Variants in FARP2 observed in about 807,000 individuals in gnomAD.
The protein encoded by FARP2 is FERM, ARHGEF and pleckstrin domain-containing protein 2.
In FARP2, 111 loss-of-function variants were observed where a neutral mutation model predicts 130.5. The ratio of observed to expected loss-of-function variants is 0.85; its 90% confidence interval spans 0.73 to 1.00. The LOEUF (loss-of-function observed/expected upper bound fraction) is 1.00, where lower values mean the gene tolerates loss of function less well. Among genes scored for constraint, FARP2 ranks in the 50% least tolerant of loss-of-function variants. The pLI is 0.00. For synonymous variants in FARP2, 504 were observed against 516.9 expected, an observed-to-expected ratio of 0.98 and a Z score of 0.34; for missense variants, 1,385 against 1,346.3, an observed-to-expected ratio of 1.03 and a Z score of -0.45.
At chr2:241,400,426 G>T (rs1409909102) in intron 2 of FARP2, among the ~76,000 whole-genome samples, 1 of 152,176 alleles carries the variant, frequency 6.6e-6, no homozygotes, top group Non-Finnish European at 1.5e-5. Context: ...TTGCCATCTG[G>T]TAGGAGGAAC....
chr2:241,490,391 C>T (rs913037701), intron 22 of FARP2, among the ~76,000 whole-genome samples: 11 of 152,190 alleles, frequency 7.2e-5, no homozygotes, highest in Admixed American at 5.9e-4. Context: ...CCAACCCTCA[C>T]GTCAAGAAGT....
chr2:241,434,165 A>ACC lies in FARP2; in HGVS notation c.876_877dup (p.Gln293ProfsTer5), dbSNP rs747663706. ...TTTGTGTTTTGTTTCTAGGGACCTT[A>ACC]CCAGGACACATTAGAATTTTTGTTG... On this transcript the variant is annotated frameshift_variant, in exon 10 of 27. Coordinates refer to ENST00000264042, the MANE Select transcript of FARP2 (RefSeq NM_014808.4). LOFTEE classifies it high-confidence loss of function. The ACC allele has an allele frequency of 3.7e-6, 6 of 1,609,388 alleles. No homozygotes were observed. The highest frequency in any genetic ancestry group is 5.1e-6 in the Non-Finnish European group (6 of 1,177,902).
chr2:241,414,223 T>G (rs1257864240), intron 7 of FARP2, among the ~76,000 whole-genome samples: 1 of 152,118 alleles, frequency 6.6e-6, no homozygotes, highest in East Asian at 1.9e-4. Context: ...CTGGTGGGTT[T>G]TTCTGGATGG....
At chr2:241,395,032 C>CTG (rs1465406497) in intron 2 of FARP2, among the ~76,000 whole-genome samples, 5 of 152,336 alleles carry the variant, frequency 3.3e-5, no homozygotes, top group South Asian at 2.1e-4. Flanking sequence ...AGCGGCTTTC[C>CTG]TGTGCTACCT....
chr2:241,371,926 T>C lies in FARP2; in HGVS notation c.-24-1158T>C, dbSNP rs368598270. On this transcript the variant is annotated intron_variant, in intron 1 of 26. Transcript: ENST00000264042. ...AAATATTTAGTACCTAATACTAGCC[T>C]GATCTTCGTTAAAAACAATGAAGAC... Among the ~76,000 whole-genome samples, 12 of 152,270 alleles carry C rather than the reference T, an allele frequency of 7.9e-5. No individual in the cohort carries two copies. In the East Asian group the frequency reaches 1.7e-3, roughly 22 times the overall value.
intron 23 of FARP2, 126 bp from the exon 24 acceptor site, chr2:241,491,390 C>A: frequency 9.3e-7 from 1 of 1,079,884 alleles, no homozygotes. Context: ...TCTCAGCCAG[C>A]AGCTGGCCTA....
At chr2:241,416,030 T>TGTCTGG in intron 7 of FARP2, among the ~76,000 whole-genome samples, 1 of 143,350 alleles carries the variant, frequency 7.0e-6, no homozygotes, top group South Asian at 2.2e-4. Flanking sequence ...TGTGTGTGTG[T>TGTCTGG]GTGTCTGGGT....
intron 2 of FARP2, among the ~76,000 whole-genome samples, chr2:241,378,263 G>A (rs541272961): frequency 1.4e-4 from 21 of 145,540 alleles, no homozygotes; most frequent in African/African-American, 5.0e-4. Context: ...CACCATGCCC[G>A]GCTAATATTT....
At chr2:241,405,673 C>A (rs1400562295) in intron 4 of FARP2, among the ~76,000 whole-genome samples, 1 of 152,202 alleles carries the variant, frequency 6.6e-6, no homozygotes, top group South Asian at 2.1e-4. Context: ...GGGGCTCATG[C>A]CTGTAATCTT....
At chr2:241,386,769 T>G (rs535721077) in intron 2 of FARP2, 63 of 152,380 alleles carry the variant, frequency 4.1e-4, no homozygotes, top group African/African-American at 1.5e-3. Flanking sequence ...AGAGGGAGTT[T>G]CAGCAAGCTG....
chr2:241,490,995 CCCTT>C, intron 22 of FARP2, 62 bp from the exon 23 acceptor site: 2 of 1,265,322 alleles, frequency 1.6e-6, no homozygotes, highest in Non-Finnish European at 2.3e-6. Context: ...GGCTCGCCCT[CCCTT>C]GAGGGCTGGG....
chr2:241,388,961 C>T (rs761498832), intron 2 of FARP2, among the ~76,000 whole-genome samples: 1 of 152,122 alleles, frequency 6.6e-6, no homozygotes, highest in Non-Finnish European at 1.5e-5. Flanking sequence ...GTGGAGCCCT[C>T]ACGAGTGGGA....
intron 1 of FARP2, among the ~76,000 whole-genome samples, chr2:241,363,136 C>T (rs2061227634): frequency 6.6e-6 from 1 of 152,210 alleles, no homozygotes; most frequent in African/African-American, 2.4e-5. Context: ...CATCCCCTGC[C>T]CTGGACTCTG....
intron 21 of FARP2, among the ~76,000 whole-genome samples, chr2:241,487,678 AAAG>A (rs1192391456): frequency 9.2e-6 from 1 of 108,738 alleles, no homozygotes; most frequent in Non-Finnish European, 2.1e-5. Flanking sequence ...AAAAAAAAAA[AAAG>A]AAAGAAAAGA....
intron 8 of FARP2, among the ~76,000 whole-genome samples, chr2:241,428,031 G>A (rs1351122651): frequency 2.0e-5 from 3 of 151,932 alleles, no homozygotes; most frequent in Non-Finnish European, 4.4e-5. Flanking sequence ...CTCCCAAAGT[G>A]CTGGGATTAC....
At chr2:241,422,705 A>G (rs1168581316) in intron 8 of FARP2, among the ~76,000 whole-genome samples, 2 of 152,180 alleles carry the variant, frequency 1.3e-5, no homozygotes, top group African/African-American at 4.8e-5. Flanking sequence ...TTGTAACCCA[A>G]TGCAAAGAAG....
At chr2:241,372,469 A>G (rs1237680873) in intron 1 of FARP2, 1 of 152,132 alleles carries the variant, frequency 6.6e-6, no homozygotes, top group African/African-American at 2.4e-5. Flanking sequence ...GCAAAGACAA[A>G]CCTGGCTGTT....
chr2:241,383,979 A>G (rs1000150822), intron 2 of FARP2, among the ~76,000 whole-genome samples: 1 of 151,854 alleles, frequency 6.6e-6, no homozygotes, highest in African/African-American at 2.4e-5. Flanking sequence ...CAAGGCGGCC[A>G]TTGCTGTGAC....
chr2:241,476,305 TGAGCCAAGGAGGTCGAGGCTG>T (rs2064460674), intron 19 of FARP2, among the ~76,000 whole-genome samples: 1 of 151,912 alleles, frequency 6.6e-6, no homozygotes, highest in Non-Finnish European at 1.5e-5. Context: ...GAGGATCGCT[TGAGCCAAGGAGGTCGAGGCTG>T]GAGTAAGCCC....
Sources: allele counts gnomAD v4.1 joint callset (sites outside exome capture counted in the v4.1 genomes callset), GRCh38; gene constraint gnomAD v4.1.1; transcripts MANE v1.5; gene names NCBI Gene and HGNC (gene_info 2026-07-23, HGNC 2026-07-21).